Variants in CTNNA2 observed in about 807,000 individuals in gnomAD.
CTNNA2 encodes the protein catenin alpha-2.
In CTNNA2, 42 loss-of-function variants were observed where a neutral mutation model predicts 101.0. That is an observed-to-expected ratio of 0.42 (90% confidence interval 0.32 to 0.54). CTNNA2 has a LOEUF of 0.54. CTNNA2 is among the 20% of genes least tolerant of loss of function. CTNNA2 has a pLI of 0.14. For synonymous variants in CTNNA2, 450 were observed against 456.4 expected, an observed-to-expected ratio of 0.99 and a Z score of 0.18; for missense variants, 871 against 1,223.1, an observed-to-expected ratio of 0.71 and a Z score of 4.29.
chr2:80,554,964 TC>T (rs1450145201), intron 11 of CTNNA2, among the ~76,000 whole-genome samples: 1 of 152,098 alleles, frequency 6.6e-6, no homozygotes, highest in Non-Finnish European at 1.5e-5. Flanking sequence ...GAGTGAAGCC[TC>T]CCCTCTATGC....
At chr2:80,271,993 T>G (rs1227475565) in intron 7 of CTNNA2, among the ~76,000 whole-genome samples, 1 of 152,194 alleles carries the variant, frequency 6.6e-6, no homozygotes, top group African/African-American at 2.4e-5. Context: ...TTAGGTTGGA[T>G]TCCACTGGAA....
intron 2 of CTNNA2, among the ~76,000 whole-genome samples, chr2:79,720,753 T>C (rs915669779): frequency 1.3e-5 from 2 of 152,118 alleles, no homozygotes; most frequent in Non-Finnish European, 1.5e-5. Flanking sequence ...GCTAAACCTG[T>C]TTATCAGTTC....
At position 80,589,261 on chromosome 2, in the gene CTNNA2, TC is replaced by T. The variant is rs1558620206; in HGVS notation, c.2008-41del. 2.5e-6 allele frequency: 4 copies of T among 1,601,214 alleles called. 1 individual carries two copies. Among genetic ancestry groups the T allele is most frequent in the Non-Finnish European group, 3.4e-6 (4 of 1,171,206 alleles). ...GCAGAGTCAACATACGGTCTGTACT[TC>T]CTTTGTCACCGTCACTCACGCTTTT... On this transcript the variant is annotated intron_variant, in intron 14 of 18. Transcript: ENST00000402739.
chr2:79,248,065 A>G (rs902642135), intron 2 of CTNNA2, among the ~76,000 whole-genome samples: 4 of 152,244 alleles, frequency 2.6e-5, no homozygotes, highest in African/African-American at 7.2e-5. Flanking sequence ...CACACAGGGC[A>G]GCCTACAGGA....
chr2:80,338,644 C>T (rs1195563783), intron 7 of CTNNA2, among the ~76,000 whole-genome samples: 1 of 152,192 alleles, frequency 6.6e-6, no homozygotes, highest in Admixed American at 6.5e-5. Context: ...GAGCTGCCTC[C>T]ACCACTGACT....
chr2:79,865,570 A>T (rs913612189), intron 4 of CTNNA2, among the ~76,000 whole-genome samples: 8 of 152,100 alleles, frequency 5.3e-5, no homozygotes, highest in African/African-American at 1.9e-4. Flanking sequence ...ATAGCCAGCA[A>T]TTTTCTACAG....
chr2:79,816,027 G>A (rs936592291), intron 3 of CTNNA2, among the ~76,000 whole-genome samples: 4 of 151,932 alleles, frequency 2.6e-5, no homozygotes, highest in Non-Finnish European at 4.4e-5. Context: ...TGTAAAAGGG[G>A]TTTAGTTCCT....
At chr2:80,360,434 GT>G (rs1339557869) in intron 7 of CTNNA2, among the ~76,000 whole-genome samples, 110 of 152,220 alleles carry the variant, frequency 7.2e-4, no homozygotes, top group African/African-American at 2.6e-3. Context: ...CATCCGAGCA[GT>G]ATACTTTAGT....
chr2:79,253,831 T>C (rs909555433), intron 2 of CTNNA2, among the ~76,000 whole-genome samples: 4 of 152,218 alleles, frequency 2.6e-5, no homozygotes, highest in East Asian at 3.8e-4. Flanking sequence ...TTGTCGGTGA[T>C]AGAGTTTATG....
rs185988942 is a variant in CTNNA2 at position 80,018,547 on chromosome 2, C to T, written c.1056+108750C>T. 2.4e-3 allele frequency among the ~76,000 whole-genome samples: 362 copies of T among 152,168 alleles called. 2 individuals carry two copies. Among genetic ancestry groups the T allele is most frequent in the Non-Finnish European group, 3.9e-3 (266 of 67,992 alleles). ...ATCCCAGCACTTTGGGAGGCCGAGG[C>T]GGGCAGATCACGAGGTTGGGAAATC... On this transcript the variant is annotated intron_variant, in intron 7 of 18. Transcript: ENST00000402739.
intron 7 of CTNNA2, among the ~76,000 whole-genome samples, chr2:80,171,384 C>A (rs572888944): frequency 5.9e-5 from 9 of 152,338 alleles, no homozygotes; most frequent in African/African-American, 2.2e-4. Context: ...CAGAATGGAG[C>A]TGGCAGGCCA....
intron 1 of CTNNA2, among the ~76,000 whole-genome samples, chr2:79,525,332 G>A (rs530741322): frequency 6.6e-6 from 1 of 152,002 alleles, no homozygotes; most frequent in Non-Finnish European, 1.5e-5. Context: ...TTCAAATCAC[G>A]AAAATGGTTA....
intron 2 of CTNNA2, among the ~76,000 whole-genome samples, chr2:79,678,956 A>G (rs1419326847): frequency 1.3e-5 from 2 of 152,126 alleles, no homozygotes; most frequent in East Asian, 1.9e-4. Context: ...TTCTGCCACC[A>G]CTGCTTTCAC....
rs76965073 is a variant in CTNNA2 at position 79,956,714 on chromosome 2, G to A, written c.1056+46917G>A. Among the ~76,000 whole-genome samples, 356 of 152,260 alleles carry A rather than the reference G, an allele frequency of 2.3e-3. 2 individuals carry two copies. The highest frequency in any genetic ancestry group is 8.3e-3 in the African/African-American group (343 of 41,558). ...ATGCATACCTCAGAATATTCCCCTGGCCACCTTAGTGGATGGAAGGGCAGG... is the reference window on the plus strand; with the variant it reads ...ATGCATACCTCAGAATATTCCCCTGACCACCTTAGTGGATGGAAGGGCAGG... On this transcript the variant is annotated intron_variant, in intron 7 of 18. Transcript: ENST00000402739.
In CTNNA2 at chr2:79,827,929, A is replaced by C. The variant is rs182588793; in HGVS notation, c.299-30084A>C. Among the ~76,000 whole-genome samples, 430 of 152,292 alleles carry C rather than the reference A, an allele frequency of 2.8e-3. 3 individuals carry two copies. The highest frequency in any genetic ancestry group is 9.9e-3 in the African/African-American group (412 of 41,552). ...TCATTGTTTTATTTTCTGAAAACCA[A>C]ATTGTTTTTATAATTTTTGTCTGGT... On this transcript the variant is annotated intron_variant, in intron 3 of 18. Coordinates refer to ENST00000402739, the MANE Select transcript of CTNNA2 (RefSeq NM_001282597.3).
At chr2:79,205,397 C>T (rs569742548) in intron 2 of CTNNA2, among the ~76,000 whole-genome samples, 1 of 152,310 alleles carries the variant, frequency 6.6e-6, no homozygotes, top group African/African-American at 2.4e-5. Flanking sequence ...AGCTACTGTT[C>T]TTTTATGCTA....
At chr2:79,807,720 T>C (rs1167429465) in intron 3 of CTNNA2, among the ~76,000 whole-genome samples, 2 of 152,202 alleles carry the variant, frequency 1.3e-5, no homozygotes, top group Non-Finnish European at 2.9e-5. Context: ...TTTAAAATCA[T>C]TTACTGAAGT....
At chr2:79,361,974 C>T (rs1294280737) in intron 3 of CTNNA2, among the ~76,000 whole-genome samples, 2 of 152,136 alleles carry the variant, frequency 1.3e-5, no homozygotes, top group African/African-American at 4.8e-5. Flanking sequence ...CACAGACACA[C>T]CCAGAATCAA....
chr2:80,162,710 A>G (rs1397451496), intron 7 of CTNNA2: 13 of 1,612,310 alleles, frequency 8.1e-6, no homozygotes, highest in African/African-American at 4.0e-5. Context: ...GATTAAAACT[A>G]TGACTGTGTG....
Sources: gnomAD v4.1 joint callset for allele counts (sites outside exome capture counted in the v4.1 genomes callset) on GRCh38, gnomAD v4.1.1 for gene constraint, MANE v1.5 for transcripts, NCBI Gene and HGNC (gene_info 2026-07-23, HGNC 2026-07-21) for gene names.